Variants in ZNF292 observed in about 807,000 individuals in gnomAD.
ZNF292 encodes the protein 16 zinc-finger domain protein.
A neutral mutation model predicts 217.9 loss-of-function variants in ZNF292; 26 were observed. The observed-to-expected ratio is 0.12, with a 90% CI of 0.09 to 0.17. The LOEUF is 0.17. Ranked by LOEUF, ZNF292 falls within the 10% of genes least tolerant of loss-of-function variation. The pLI is 1.00. For synonymous variants in ZNF292, 1,257 were observed against 1,124.1 expected, an observed-to-expected ratio of 1.12 and a Z score of -2.37; for missense variants, 2,904 against 3,175.2, an observed-to-expected ratio of 0.91 and a Z score of 2.05.
chr6:87,160,856 T>C (rs1307305844), intron 1 of ZNF292, among the ~76,000 whole-genome samples: 1 of 152,184 alleles, frequency 6.6e-6, no homozygotes, highest in Non-Finnish European at 1.5e-5. Context: ...GCCCATGAGC[T>C]TCAATGCTAA....
At chr6:87,163,435 A>G in intron 1 of ZNF292, among the ~76,000 whole-genome samples, 1 of 151,754 alleles carries the variant, frequency 6.6e-6, no homozygotes, top group Non-Finnish European at 1.5e-5. Flanking sequence ...TGGGTGACAG[A>G]TCGAGACTTC....
Position 87,166,303 on chromosome 6 carries a change from A to G in ZNF292, c.168+10544A>G, listed in dbSNP as rs570106724. On this transcript the variant is annotated intron_variant, in intron 1 of 7. Coordinates refer to ENST00000369577, the MANE Select transcript of ZNF292 (RefSeq NM_015021.3). ...TTTTACTGCCTTTGTGACTGCTTAG[A>G]TAACTTTGCAGTGTTACAATAGTGG... Among the ~76,000 whole-genome samples the G allele has an allele frequency of 1.4e-4, 21 of 152,330 alleles. No homozygotes were observed. In the South Asian group the frequency reaches 3.7e-3, roughly 27 times the overall value.
At chr6:87,174,221 G>A (rs762232360) in intron 1 of ZNF292, 29 of 153,792 alleles carry the variant, frequency 1.9e-4, no homozygotes, top group Non-Finnish European at 3.8e-4. Context: ...AGGATAGGTC[G>A]GCAGCTCTAG....
rs1238217812 is a variant in ZNF292 at position 87,262,285 on chromosome 6, A to G, written c.*484A>G. On this transcript the variant is annotated 3_prime_UTR_variant, in exon 8 of 8. Transcript: ENST00000369577. ...ATCAAGTTTTTTAAATTGTTCTTTTATTGTTTTAAATTAAGAACTTTTTGA... is the reference window on the plus strand; with the variant it reads ...ATCAAGTTTTTTAAATTGTTCTTTTGTTGTTTTAAATTAAGAACTTTTTGA... 2 of 152,034 alleles carry G rather than the reference A, an allele frequency of 1.3e-5. No homozygotes were observed. Among genetic ancestry groups the G allele is most frequent in the Admixed American group, 1.3e-4 (2 of 15,248 alleles). 9.4% of individuals were successfully genotyped at this position (152,034 alleles called of 1,614,324 possible).
rs368647343 is a variant in ZNF292 at position 87,255,547 on chromosome 6, C to T, written c.1918C>T (p.Leu640Phe). ...QEQRPIKKNS[L>F]YSTDFIVFND... ...GCAGCGACCTATAAAAAAGAATAGT[C>T]TCTATTCAACAGATTTTATAGTGTT... Residue 640 changes from leucine to phenylalanine, a missense_variant, in exon 8 of 8, where the codon CTC (leucine) becomes TTC (phenylalanine). By Grantham distance (22) the Leu-to-Phe change is conservative (BLOSUM62 0). Coordinates refer to ENST00000369577, the MANE Select transcript of ZNF292 (RefSeq NM_015021.3). The T allele has an allele frequency of 2.5e-6, 4 of 1,611,334 alleles. No homozygotes were observed. Among genetic ancestry groups the T allele is most frequent in the Non-Finnish European group, 2.5e-6 (3 of 1,178,488 alleles).
chr6:87,234,187 A>G (rs1405109331), intron 5 of ZNF292, among the ~76,000 whole-genome samples: 2 of 152,216 alleles, frequency 1.3e-5, no homozygotes, highest in Non-Finnish European at 2.9e-5. Context: ...TTCAAAAGGA[A>G]GTTGGAAACA....
rs1266825278 is a variant in ZNF292, at chr6:87,215,827, A to G, written c.169-76A>G. On this transcript the variant is annotated intron_variant, in intron 1 of 7. Transcript: ENST00000369577. ...AAATCTGTATTTTTCAAAATTTTTC[A>G]GGAAAAAACAGCTGATGAGTCAATG... 9 of 1,215,312 alleles carry G rather than the reference A, an allele frequency of 7.4e-6. No individual in the cohort carries two copies. The African/African-American group carries it at 1.4e-4, about 19-fold the overall frequency. The allele number at this position is 1,215,312 out of a possible 1,614,324, so 75.3% of individuals were successfully genotyped here.
At chr6:87,189,588 T>C (rs949562994) in intron 1 of ZNF292, among the ~76,000 whole-genome samples, 7 of 152,148 alleles carry the variant, frequency 4.6e-5, no homozygotes, top group African/African-American at 1.7e-4. Flanking sequence ...ATGTAGAATA[T>C]ATGAATTTGT....
intron 1 of ZNF292, among the ~76,000 whole-genome samples, chr6:87,204,422 A>G (rs958031222): frequency 3.3e-5 from 5 of 152,206 alleles, no homozygotes; most frequent in Non-Finnish European, 2.9e-5. Flanking sequence ...TAGGTTGGCC[A>G]CTAACTACCA....
Position 87,259,163 on chromosome 6 carries a change from A to G in ZNF292, c.5534A>G (p.Gln1845Arg), listed in dbSNP as rs758761347. 1.2e-6 allele frequency: 2 copies of G among 1,613,428 alleles called. No individual in the cohort carries two copies. Among genetic ancestry groups the G allele is most frequent in the Non-Finnish European group, 1.7e-6 (2 of 1,179,632 alleles). The change falls in exon 8 of 8, where the codon CAG becomes CGG. Residue 1845 changes from glutamine to arginine, a missense_variant. By Grantham distance (43) the Gln-to-Arg change is conservative. Coordinates refer to ENST00000369577, the MANE Select transcript of ZNF292 (RefSeq NM_015021.3). ...DQIQEILEGL[Q>R]KLKLENDLST... The stretch of plus-strand genomic sequence containing the variant: ...ATACAGGAAATTTTAGAAGGCTTAC[A>G]GAAATTAAAATTAGAAAATGACCTA...
chr6:87,258,703 A>G lies in ZNF292; in HGVS notation c.5074A>G (p.Asn1692Asp). 6.2e-7 allele frequency: 1 copy of G among 1,613,376 alleles called. No homozygotes were observed. Among genetic ancestry groups the G allele is most frequent in the Non-Finnish European group, 8.5e-7 (1 of 1,179,640 alleles). ...GGAAAATCTAACACAGAAATTAAAT[A>G]ATGTTAACAATCAGTTATTTATGAC... Reference protein sequence around the residue: ...LVENLTQKLNNVNNQLFMTDV... With the variant: ...LVENLTQKLNDVNNQLFMTDV... The change falls in exon 8 of 8, where the codon AAT becomes GAT. Residue 1692 changes from asparagine (N) to aspartate (D), a missense_variant. Asn to Asp is a conservative substitution (Grantham distance 23). Transcript: ENST00000369577.
intron 1 of ZNF292, among the ~76,000 whole-genome samples, chr6:87,164,284 G>C (rs1038858341): frequency 6.6e-6 from 1 of 152,130 alleles, no homozygotes; most frequent in Admixed American, 6.6e-5. Flanking sequence ...TCTGTTCTTA[G>C]CCTTCTCTAG....
At chr6:87,232,540 A>G (rs923379818) in intron 4 of ZNF292, among the ~76,000 whole-genome samples, 3 of 152,128 alleles carry the variant, frequency 2.0e-5, no homozygotes, top group African/African-American at 7.2e-5. Flanking sequence ...TAAACTTGTT[A>G]AAACTTAAAT....
At chr6:87,198,412 G>A (rs75991538) in intron 1 of ZNF292, among the ~76,000 whole-genome samples, 1 of 152,116 alleles carries the variant, frequency 6.6e-6, no homozygotes, top group Admixed American at 6.5e-5. Context: ...CACTGTGTTA[G>A]CTAGGATAGT....
chr6:87,212,085 G>T (rs1293107794), intron 1 of ZNF292, among the ~76,000 whole-genome samples: 1 of 152,094 alleles, frequency 6.6e-6, no homozygotes, highest in Non-Finnish European at 1.5e-5. Context: ...CCTCCTCAGG[G>T]TCAGTAATTT....
chr6:87,252,953 G>A (rs1341650670), intron 7 of ZNF292, among the ~76,000 whole-genome samples: 1 of 151,974 alleles, frequency 6.6e-6, no homozygotes, highest in Non-Finnish European at 1.5e-5. Context: ...TGTTGCCCAG[G>A]CTGGAGTGCA....
At chr6:87,169,038 T>C (rs542965763) in intron 1 of ZNF292, among the ~76,000 whole-genome samples, 1,624 of 151,592 alleles carry the variant, frequency 0.011, 20 homozygotes, top group African/African-American at 0.036. Flanking sequence ...TTTTATTGCT[T>C]TTTTTTTAAT....
intron 1 of ZNF292, among the ~76,000 whole-genome samples, chr6:87,156,228 C>T (rs1162784611): frequency 5.3e-5 from 8 of 152,186 alleles, no homozygotes; most frequent in Non-Finnish European, 1.0e-4. Context: ...ATCCGTCCCG[C>T]CCCCCAGCCC....
chr6:87,191,549 C>G (rs1295451652), intron 1 of ZNF292, among the ~76,000 whole-genome samples: 1 of 152,100 alleles, frequency 6.6e-6, no homozygotes, highest in Admixed American at 6.5e-5. Flanking sequence ...GAGAGTATGC[C>G]TATGTAAAGT....
Sources: gnomAD v4.1 joint callset for allele counts (sites outside exome capture counted in the v4.1 genomes callset) on GRCh38, gnomAD v4.1.1 for gene constraint, MANE v1.5 for transcripts, NCBI Gene and HGNC (gene_info 2026-07-23, HGNC 2026-07-21) for gene names.